ALOX5AP: variants seen among roughly 807,000 people sequenced by gnomAD.
ALOX5AP encodes arachidonate 5-lipoxygenase-activating protein.
In ALOX5AP, 9 loss-of-function variants were observed where a neutral mutation model predicts 18.5. The observed-to-expected ratio is 0.49, with a 90% CI of 0.29 to 0.85. ALOX5AP has a LOEUF of 0.85. Among genes scored for constraint, ALOX5AP ranks in the 40% least tolerant of loss-of-function variants. The probability of loss-of-function intolerance (pLI) is 0.08; values close to 1 mark genes in which losing one functional copy is unlikely to be tolerated. For missense variants in ALOX5AP, 172 were observed against 202.5 expected, an observed-to-expected ratio of 0.85 and a Z score of 0.91; for synonymous variants, 81 against 78.6, an observed-to-expected ratio of 1.03 and a Z score of -0.16.
intron 4 of ALOX5AP, among the ~76,000 whole-genome samples, chr13:30,757,866 T>A (rs978529424): frequency 2.0e-5 from 3 of 152,202 alleles, no homozygotes; most frequent in African/African-American, 7.2e-5. Flanking sequence ...TTTAAAATAG[T>A]AGATTTCTTC....
intron 2 of ALOX5AP, among the ~76,000 whole-genome samples, chr13:30,750,801 G>T (rs1951846067): frequency 6.6e-6 from 1 of 152,174 alleles, no homozygotes; most frequent in East Asian, 1.9e-4. Context: ...AACCACAAGG[G>T]TCTTTTTAAT....
At chr13:30,729,574 G>GCA (rs1951665066) in intron 1 of ALOX5AP, among the ~76,000 whole-genome samples, 1 of 94,882 alleles carries the variant, frequency 1.1e-5, no homozygotes, top group South Asian at 3.5e-4. Context: ...TGTCTAACCT[G>GCA]TATTTTTTTT....
chr13:30,735,434 TAAAAAAAAAAAAAA>T (rs59918130), upstream of ALOX5AP: 63 of 857,828 alleles, frequency 7.3e-5, no homozygotes, highest in South Asian at 1.2e-3. Flanking sequence ...GGTGGTTAGT[TAAAAAAAAAAAAAA>T]AAAAAAAAAA....
At chr13:30,749,972 A>T (rs564232457) in intron 2 of ALOX5AP, among the ~76,000 whole-genome samples, 12 of 152,214 alleles carry the variant, frequency 7.9e-5, no homozygotes, top group African/African-American at 2.6e-4. Context: ...CAGTTTGAAA[A>T]TTGCATCTTT....
At chr13:30,721,960 A>G (rs977648687) in intron 1 of ALOX5AP, among the ~76,000 whole-genome samples, 2 of 152,170 alleles carry the variant, frequency 1.3e-5, no homozygotes, top group African/African-American at 4.8e-5. Context: ...GACATCCTCT[A>G]TAAAAAAAGA....
chr13:30,724,374 T>C (rs1297895860), intron 1 of ALOX5AP, among the ~76,000 whole-genome samples: 3 of 152,232 alleles, frequency 2.0e-5, no homozygotes, highest in Admixed American at 2.0e-4. Context: ...CTTTGAACTA[T>C]TTTGAATCCT....
chr13:30,756,129 C>T (rs1951891760), intron 4 of ALOX5AP, 104 bp downstream of exon 4: 1 of 1,115,008 alleles, frequency 9.0e-7, no homozygotes, highest in Non-Finnish European at 1.3e-6. Context: ...GGCTCCGTAG[C>T]ATCCCCTTGG....
At chr13:30,762,047 A>C (rs992686143) in intron 4 of ALOX5AP, among the ~76,000 whole-genome samples, 1 of 152,198 alleles carries the variant, frequency 6.6e-6, no homozygotes, top group Non-Finnish European at 1.5e-5. Context: ...GAAAACAGGG[A>C]GAGAATGAAG....
At chr13:30,714,749 C>T (rs1390841912) in intron 1 of ALOX5AP, among the ~76,000 whole-genome samples, 1 of 152,152 alleles carries the variant, frequency 6.6e-6, no homozygotes, top group African/African-American at 2.4e-5. Context: ...GAGAAGGCTA[C>T]CAGTCTCTCC....
At chr13:30,740,425 G>A (rs1466429876) in intron 1 of ALOX5AP, among the ~76,000 whole-genome samples, 2 of 152,180 alleles carry the variant, frequency 1.3e-5, no homozygotes, top group African/African-American at 2.4e-5. Flanking sequence ...CACGTACGGC[G>A]GATGCCTCAC....
chr13:30,739,526 C>T (rs1051537780), intron 1 of ALOX5AP, among the ~76,000 whole-genome samples: 3 of 152,220 alleles, frequency 2.0e-5, no homozygotes, highest in African/African-American at 7.2e-5. Flanking sequence ...CCTCTGCCTC[C>T]CAGGCTCAAG....
chr13:30,741,011 A>C (rs993788614), intron 1 of ALOX5AP, among the ~76,000 whole-genome samples: 2 of 148,450 alleles, frequency 1.3e-5, no homozygotes, highest in African/African-American at 2.5e-5. Flanking sequence ...TAGTTCTATG[A>C]CCTCCCTCGG....
intron 2 of ALOX5AP, 29 bp from the exon 3 acceptor site, chr13:30,752,023 G>T: frequency 6.2e-7 from 1 of 1,609,698 alleles, no homozygotes. Context: ...GTCTCTGATT[G>T]TTTTTCTCCT....
chr13:30,717,238 G>C (rs891585047), intron 1 of ALOX5AP, among the ~76,000 whole-genome samples: 1 of 152,332 alleles, frequency 6.6e-6, no homozygotes, highest in East Asian at 1.9e-4. Flanking sequence ...TTTGGGCAGG[G>C]TTAAATTCTT....
chr13:30,759,917 C>T (rs1343166962), intron 4 of ALOX5AP, among the ~76,000 whole-genome samples: 1 of 152,182 alleles, frequency 6.6e-6, no homozygotes, highest in Non-Finnish European at 1.5e-5. Context: ...TTTGCATTCT[C>T]AGATGATTCT....
chr13:30,736,674 G>A (rs1951724455), intron 1 of ALOX5AP, among the ~76,000 whole-genome samples: 1 of 152,202 alleles, frequency 6.6e-6, no homozygotes, highest in African/African-American at 2.4e-5. Flanking sequence ...TCTGGGCACA[G>A]AGCAAGCCTC....
At position 30,759,703 on chromosome 13, in the gene ALOX5AP, G is replaced by A. The variant is rs138305745; in HGVS notation, c.323+3678G>A. ...TGGGCCCCTCCAAGTGTGGAGTATG[G>A]TGTTACTTCACCAGAGTTTGAGGAG... is the stretch of plus-strand genomic sequence containing the variant. On this transcript the variant is annotated intron_variant, in intron 4 of 4. Coordinates refer to ENST00000380490, the MANE Select transcript of ALOX5AP (RefSeq NM_001629.4). 6.3e-3 allele frequency among the ~76,000 whole-genome samples: 952 copies of A among 152,310 alleles called. 30 individuals carry two copies. Among genetic ancestry groups the A allele is most frequent in the Admixed American group, 0.05 (762 of 15,294 alleles).
At chr13:30,739,387 G>T (rs928908172) in intron 1 of ALOX5AP, among the ~76,000 whole-genome samples, 3 of 152,114 alleles carry the variant, frequency 2.0e-5, no homozygotes, top group Non-Finnish European at 2.9e-5. Context: ...ACACTGCCTG[G>T]CACAAAGACA....
intron 2 of ALOX5AP, among the ~76,000 whole-genome samples, chr13:30,750,758 A>C (rs1951845733): frequency 6.6e-6 from 1 of 152,184 alleles, no homozygotes; most frequent in Non-Finnish European, 1.5e-5. Flanking sequence ...AAATAAAGAG[A>C]TTATCCTGGA....
Sources: gnomAD v4.1 joint callset for allele counts (sites outside exome capture counted in the v4.1 genomes callset) on GRCh38, gnomAD v4.1.1 for gene constraint, MANE v1.5 for transcripts, NCBI Gene and HGNC (gene_info 2026-07-23, HGNC 2026-07-21) for gene names.